The following JMJD1C variants were observed in gnomAD, a reference collection of about 807,000 sequenced individuals.
The protein encoded by JMJD1C is jumonji domain containing 1C.
In JMJD1C, 31 loss-of-function variants were observed where a neutral mutation model predicts 245.3. The observed-to-expected ratio is 0.13, with a 90% CI of 0.09 to 0.17. JMJD1C has a LOEUF of 0.17. Ranked by LOEUF, JMJD1C falls within the 10% of genes least tolerant of loss-of-function variation. The probability of loss-of-function intolerance (pLI) is 1.00; values close to 1 mark genes in which losing one functional copy is unlikely to be tolerated. For missense variants in JMJD1C, 2,691 were observed against 3,000.2 expected (o/e 0.90, Z 2.41); for synonymous variants, 1,057 against 1,017.4 (o/e 1.04, Z -0.74).
intron 1 of JMJD1C, among the ~76,000 whole-genome samples, chr10:63,471,084 A>G (rs1953479132): frequency 6.6e-6 from 1 of 152,180 alleles, no homozygotes; most frequent in East Asian, 1.9e-4. Context: ...TCCCTATCAT[A>G]AACGCTCCAA....
At chr10:63,435,843 G>A (rs1398154686) in intron 1 of JMJD1C, among the ~76,000 whole-genome samples, 1 of 152,194 alleles carries the variant, frequency 6.6e-6, no homozygotes, top group Non-Finnish European at 1.5e-5. Flanking sequence ...AAGTTGCAGT[G>A]AGCCAAGATC....
At chr10:63,428,219 CT>C (rs1200172195) in intron 1 of JMJD1C, among the ~76,000 whole-genome samples, 1 of 152,132 alleles carries the variant, frequency 6.6e-6, no homozygotes, top group African/African-American at 2.4e-5. Context: ...ACATCAATCA[CT>C]TTTTTTAAAT....
Position 63,348,286 on chromosome 10 carries a change from C to T in JMJD1C, c.333+32032G>A, listed in dbSNP as rs538775603. On this transcript the variant is annotated intron_variant, in intron 2 of 25. Transcript: ENST00000399262. Reference sequence around the variant, plus strand: ...ATTTGACCAGGGCAGATATCTTAAGCAGGTATCACTGAGTCAACTCTGAGA... The same window carrying T: ...ATTTGACCAGGGCAGATATCTTAAGTAGGTATCACTGAGTCAACTCTGAGA... 3.3e-5 allele frequency among the ~76,000 whole-genome samples: 5 copies of T among 151,634 alleles called. No homozygotes were observed. The South Asian group carries it at 1.0e-3, about 32-fold the overall frequency.
rs36038855 is a variant in JMJD1C at position 63,305,629 on chromosome 10, CGTGTGTGTGTGTGTGTGT to C, written c.334-40883_334-40866del. ...CTACGGGCAAGCACCACCATGCTGGCGTGTGTGTGTGTGTGTGTGTGTGTGTGTGTGTGTGTGTGTGTG... is the reference window on the plus strand; with the variant it reads ...CTACGGGCAAGCACCACCATGCTGGCGTGTGTGTGTGTGTGTGTGTGTGTG... On this transcript the variant is annotated intron_variant, in intron 2 of 25. Coordinates refer to ENST00000399262, the MANE Select transcript of JMJD1C (RefSeq NM_032776.3). 7.7e-3 allele frequency among the ~76,000 whole-genome samples: 940 copies of C among 121,770 alleles called. 8 individuals carry two copies. Among genetic ancestry groups the C allele is most frequent in the South Asian group, 0.03 (95 of 3,196 alleles). 79.9% of individuals were successfully genotyped at this position (121,770 alleles called of 152,430 possible).
chr10:63,292,886 ATACAAAACT>A, intron 2 of JMJD1C, among the ~76,000 whole-genome samples: 1 of 152,086 alleles, frequency 6.6e-6, no homozygotes, highest in Non-Finnish European at 1.5e-5. Flanking sequence ...TCTACAAAAA[ATACAAAACT>A]TAGCTGGGCG....
rs73288481 is a variant in JMJD1C at position 63,178,328 on chromosome 10, T to C, written c.7085-472A>G. On this transcript the variant is annotated intron_variant, in intron 22 of 25. Coordinates refer to ENST00000399262, the MANE Select transcript of JMJD1C (RefSeq NM_032776.3). The stretch of plus-strand genomic sequence containing the variant: ...GAATAGATAAGTGGATACAAAGCAA[T>C]AGTGATTTTCCCAGTTTGTTTTATG... 3.3e-3 allele frequency among the ~76,000 whole-genome samples: 502 copies of C among 152,254 alleles called. 3 individuals carry two copies. The highest frequency in any genetic ancestry group is 0.011 in the African/African-American group (461 of 41,536).
chr10:63,311,372 C>CT (rs1182986693), intron 2 of JMJD1C, among the ~76,000 whole-genome samples: 1 of 152,058 alleles, frequency 6.6e-6, no homozygotes, highest in African/African-American at 2.4e-5. Context: ...GAGTGAGACT[C>CT]TGTCTCAAAA....
chr10:63,465,978 G>GCTCCGT (rs1953242403), upstream of JMJD1C: 1 of 352,490 alleles, frequency 2.8e-6, no homozygotes, highest in Non-Finnish European at 5.2e-6. Flanking sequence ...GGCCAGTACT[G>GCTCCGT]CTCCGTCTCC....
chr10:63,337,820 A>G (rs1942992248), intron 2 of JMJD1C, among the ~76,000 whole-genome samples: 1 of 152,102 alleles, frequency 6.6e-6, no homozygotes. Context: ...AGGTATATTT[A>G]GTGACATTCT....
intron 2 of JMJD1C, among the ~76,000 whole-genome samples, chr10:63,292,445 T>G (rs10761737): frequency 6.6e-6 from 1 of 151,162 alleles, no homozygotes; most frequent in Non-Finnish European, 1.5e-5. Flanking sequence ...ACCCCGTCTC[T>G]AGTAAAAATA....
At chr10:63,217,382 T>G in intron 4 of JMJD1C, 51 bp from the exon 5 acceptor site, 1 of 1,422,908 alleles carries the variant, frequency 7.0e-7, no homozygotes, top group Non-Finnish European at 9.6e-7. Flanking sequence ...ACATCTTCAT[T>G]TAATAACTGC....
intron 1 of JMJD1C, among the ~76,000 whole-genome samples, chr10:63,421,815 T>C (rs939936330): frequency 1.3e-5 from 2 of 152,184 alleles, no homozygotes; most frequent in African/African-American, 4.8e-5. Flanking sequence ...GAAGGCCATG[T>C]GAGGACATGG....
At chr10:63,178,850 C>CT (rs1191794693) in intron 22 of JMJD1C, among the ~76,000 whole-genome samples, 2 of 152,024 alleles carry the variant, frequency 1.3e-5, no homozygotes, top group Admixed American at 6.5e-5. Flanking sequence ...CAGGAAGGTC[C>CT]TTTTTTAAAA....
At chr10:63,370,617 CA>C (rs1946236336) in intron 2 of JMJD1C, among the ~76,000 whole-genome samples, 1 of 152,172 alleles carries the variant, frequency 6.6e-6, no homozygotes, top group South Asian at 2.1e-4. Context: ...TAGAAGTAAA[CA>C]AGAAATTCAG....
intron 1 of JMJD1C, among the ~76,000 whole-genome samples, chr10:63,412,772 C>T (rs1201256210): frequency 6.6e-6 from 1 of 152,046 alleles, no homozygotes; most frequent in Non-Finnish European, 1.5e-5. Context: ...ATATTTTATG[C>T]ATTTATGACA....
At chr10:63,354,674 T>TTTTG (rs149520237) in intron 2 of JMJD1C, among the ~76,000 whole-genome samples, 100,308 of 142,724 alleles carry the variant, frequency 0.7, 35,906 homozygotes, top group Non-Finnish European at 0.84. Flanking sequence ...TTTCTACTGC[T>TTTTG]TTTTTCTGTT....
chr10:63,218,457 T>C (rs1848235702), intron 4 of JMJD1C, among the ~76,000 whole-genome samples: 1 of 152,132 alleles, frequency 6.6e-6, no homozygotes, highest in South Asian at 2.1e-4. Context: ...ATATCCATTA[T>C]ATGAACTTCA....
rs550894697 is a variant in JMJD1C at position 63,369,187 on chromosome 10, G to A, written c.333+11131C>T. On this transcript the variant is annotated intron_variant, in intron 2 of 25. Coordinates refer to ENST00000399262, the MANE Select transcript of JMJD1C (RefSeq NM_032776.3). ...TCTCCTCTTCTCGTCTCACTCTGTTGCCCAGGAGTGCAATGATGCAATCTC... is the reference window on the plus strand; with the variant it reads ...TCTCCTCTTCTCGTCTCACTCTGTTACCCAGGAGTGCAATGATGCAATCTC... Among the ~76,000 whole-genome samples, 7 of 147,960 alleles carry A rather than the reference G, an allele frequency of 4.7e-5. No homozygotes were observed. The South Asian group carries it at 1.1e-3, about 23-fold the overall frequency.
chr10:63,450,932 A>C (rs1407846425), intron 1 of JMJD1C, among the ~76,000 whole-genome samples: 2 of 152,160 alleles, frequency 1.3e-5, no homozygotes, highest in African/African-American at 4.8e-5. Flanking sequence ...AAAAAAAAAA[A>C]AAAACTCTTA....
Sources: gnomAD v4.1 joint callset for allele counts (sites outside exome capture counted in the v4.1 genomes callset) on GRCh38, gnomAD v4.1.1 for gene constraint, MANE v1.5 for transcripts, NCBI Gene and HGNC (gene_info 2026-07-23, HGNC 2026-07-21) for gene names.